PDE4D: variants seen among roughly 807,000 people sequenced by gnomAD.
PDE4D encodes phosphodiesterase 4D.
A neutral mutation model predicts 87.4 loss-of-function variants in PDE4D; 24 were observed. That is an observed-to-expected ratio of 0.27 (90% confidence interval 0.20 to 0.39). The LOEUF (loss-of-function observed/expected upper bound fraction) is 0.39. Among genes scored for constraint, PDE4D ranks in the 10% least tolerant of loss-of-function variants. PDE4D has a pLI of 1.00. For missense variants in PDE4D, 714 were observed against 1,041.0 expected, an observed-to-expected ratio of 0.69 and a Z score of 4.32; for synonymous variants, 384 against 383.2, an observed-to-expected ratio of 1.00 and a Z score of -0.02.
At chr5:59,528,136 G>A (rs1419399971) in intron 1 of PDE4D, among the ~76,000 whole-genome samples, 8 of 152,156 alleles carry the variant, frequency 5.3e-5, no homozygotes, top group Admixed American at 2.0e-4. Context: ...TAGGGGCACT[G>A]TGATTAAGTG....
At chr5:60,448,011 C>T (rs1186978393) in intron 1 of PDE4D, among the ~76,000 whole-genome samples, 1 of 152,050 alleles carries the variant, frequency 6.6e-6, no homozygotes, top group Non-Finnish European at 1.5e-5. Flanking sequence ...TATCATTCAT[C>T]TGTAATCTCA....
intron 1 of PDE4D, among the ~76,000 whole-genome samples, chr5:59,491,855 G>A (rs974086264): frequency 3.9e-5 from 6 of 152,160 alleles, no homozygotes; most frequent in African/African-American, 1.4e-4. Context: ...GGTTGCCCAG[G>A]CAAGAAGCAG....
intron 1 of PDE4D, among the ~76,000 whole-genome samples, chr5:59,327,127 A>G (rs1581974821): frequency 1.4e-5 from 1 of 69,752 alleles, no homozygotes; most frequent in South Asian, 5.4e-4. Context: ...ATACAGAAAC[A>G]GAAATACACA....
At chr5:59,967,826 G>A (rs553459553) in intron 3 of PDE4D, among the ~76,000 whole-genome samples, 124 of 152,204 alleles carry the variant, frequency 8.1e-4, no homozygotes, top group African/African-American at 2.8e-3. Flanking sequence ...ATTCACAATA[G>A]CAAAGATGTG....
intron 5 of PDE4D, among the ~76,000 whole-genome samples, chr5:59,143,356 T>C (rs551104681): frequency 2.6e-5 from 4 of 152,324 alleles, no homozygotes; most frequent in South Asian, 4.1e-4. Flanking sequence ...AAAAATTAAA[T>C]GTCACTATCA....
chr5:60,373,403 AC>A (rs1761187490), intron 1 of PDE4D, among the ~76,000 whole-genome samples: 1 of 152,044 alleles, frequency 6.6e-6, no homozygotes, highest in Admixed American at 6.6e-5. Context: ...CATTTACTCT[AC>A]GTGTATAGAC....
chr5:59,883,574 G>C (rs1288409224), intron 1 of PDE4D, among the ~76,000 whole-genome samples: 1 of 152,124 alleles, frequency 6.6e-6, no homozygotes, highest in Non-Finnish European at 1.5e-5. Context: ...ACTTTATGAA[G>C]TATAGAAAAA....
chr5:59,616,901 C>T (rs1829735695), intron 1 of PDE4D, among the ~76,000 whole-genome samples: 1 of 47,804 alleles, frequency 2.1e-5, no homozygotes. Context: ...TTGTGTATTA[C>T]TTAGACCTAA....
rs1328616612 is a variant in PDE4D, at chr5:59,985,151, TA to T, written c.272+3336del. On this transcript the variant is annotated intron_variant, in intron 3 of 16. Coordinates refer to the PDE4D transcript ENST00000502484. Reference sequence around the variant, plus strand: ...TTTTTGTTTTTTGTTTTTTGTTTTTTATTTTGAGACAGAGTCTCACTCTGTC... The same window carrying T: ...TTTTTGTTTTTTGTTTTTTGTTTTTTTTTTGAGACAGAGTCTCACTCTGTC... 8.9e-4 allele frequency among the ~76,000 whole-genome samples: 119 copies of T among 133,224 alleles called. 6 individuals carry two copies. Among genetic ancestry groups the T allele is most frequent in the African/African-American group, 2.1e-3 (84 of 39,874 alleles). The allele number at this position is 133,224 out of a possible 152,430, so 87.4% of individuals were successfully genotyped here. A position where few individuals can be genotyped will look rare whatever the true frequency, so the allele number is the denominator to read the frequency against.
chr5:59,890,926 G>T (rs751825832), intron 1 of PDE4D, among the ~76,000 whole-genome samples: 1 of 152,202 alleles, frequency 6.6e-6, no homozygotes, highest in Admixed American at 6.5e-5. Context: ...TCTCTTTAAA[G>T]AATGAAACTA....
intron 1 of PDE4D, among the ~76,000 whole-genome samples, chr5:60,247,802 C>G (rs1412587236): frequency 1.3e-5 from 2 of 151,984 alleles, no homozygotes; most frequent in Admixed American, 6.6e-5. Flanking sequence ...TCACTGCTTA[C>G]TGTCAACAAG....
intron 1 of PDE4D, among the ~76,000 whole-genome samples, chr5:59,265,240 T>C (rs10061786): frequency 0.083 from 12,631 of 152,040 alleles, 676 homozygotes; most frequent in Non-Finnish European, 0.12. Flanking sequence ...CCCTGCCTAG[T>C]TGTGCTTCCT....
intron 5 of PDE4D, among the ~76,000 whole-genome samples, chr5:59,151,163 T>C (rs931556742): frequency 3.3e-5 from 5 of 152,184 alleles, no homozygotes; most frequent in South Asian, 2.1e-4. Context: ...TATTGTCATA[T>C]GGTGATGAGG....
intron 2 of PDE4D, among the ~76,000 whole-genome samples, chr5:60,149,064 G>A (rs1047966211): frequency 6.6e-6 from 1 of 152,162 alleles, no homozygotes; most frequent in South Asian, 2.1e-4. Flanking sequence ...AGAAACTGTG[G>A]TCAATAAAAT....
chr5:59,777,525 A>G (rs562400071), intron 1 of PDE4D, among the ~76,000 whole-genome samples: 2 of 152,192 alleles, frequency 1.3e-5, no homozygotes, highest in Admixed American at 6.5e-5. Flanking sequence ...CCATGCTAAC[A>G]TAAAGATTCT....
At chr5:59,394,866 G>C (rs1475389287) in intron 1 of PDE4D, among the ~76,000 whole-genome samples, 13 of 152,072 alleles carry the variant, frequency 8.5e-5, no homozygotes, top group African/African-American at 3.1e-4. Context: ...GCAGGTCAGT[G>C]GGTGCGCGCA....
intron 1 of PDE4D, among the ~76,000 whole-genome samples, chr5:60,186,973 A>C (rs1455733387): frequency 2.6e-5 from 4 of 152,214 alleles, no homozygotes; most frequent in Non-Finnish European, 5.9e-5. Flanking sequence ...AAAGGAAGAC[A>C]CTTTGCGGGA....
chr5:59,270,803 A>G (rs1469185724), intron 1 of PDE4D, among the ~76,000 whole-genome samples: 2 of 152,190 alleles, frequency 1.3e-5, no homozygotes, highest in Non-Finnish European at 2.9e-5. Context: ...GAAGGCAACA[A>G]GCTGAAGAAC....
intron 1 of PDE4D, among the ~76,000 whole-genome samples, chr5:59,451,454 C>T (rs1340499247): frequency 6.6e-6 from 1 of 152,180 alleles, no homozygotes; most frequent in African/African-American, 2.4e-5. Context: ...TACAGCGCAC[C>T]TGACTCCTGG....
Sources: allele counts gnomAD v4.1 joint callset (sites outside exome capture counted in the v4.1 genomes callset), GRCh38; gene constraint gnomAD v4.1.1; transcripts MANE v1.5; gene names NCBI Gene and HGNC (gene_info 2026-07-23, HGNC 2026-07-21).